RBM20: variants seen among roughly 807,000 people sequenced by gnomAD.
RBM20 encodes the protein RNA binding motif protein 20.
Under a neutral mutation model 110.1 loss-of-function variants are expected in RBM20, and 51 were observed. The ratio of observed to expected loss-of-function variants is 0.46; its 90% confidence interval spans 0.37 to 0.59. The LOEUF (loss-of-function observed/expected upper bound fraction) is 0.59. RBM20 is among the 20% of genes least tolerant of loss of function. The pLI, the probability that RBM20 is intolerant of heterozygous loss-of-function variation, is 0.00. For missense variants in RBM20, 1,512 were observed against 1,574.9 expected (o/e 0.96, Z 0.68); for synonymous variants, 589 against 618.2 (o/e 0.95, Z 0.70).
chr10:110,743,637 G>A (rs1312137571), intron 1 of RBM20, among the ~76,000 whole-genome samples: 2 of 151,880 alleles, frequency 1.3e-5, no homozygotes, highest in Non-Finnish European at 2.9e-5. Context: ...TATTTTTTGA[G>A]GTGGCATCTT....
At chr10:110,713,387 C>T (rs1477116053) in intron 1 of RBM20, among the ~76,000 whole-genome samples, 1 of 152,192 alleles carries the variant, frequency 6.6e-6, no homozygotes, top group East Asian at 1.9e-4. Flanking sequence ...AAGTAAGGAA[C>T]ATGGCTTGAG....
rs1390758079 is a variant in RBM20, at chr10:110,739,699, T to C, written c.192-41102T>C. On this transcript the variant is annotated intron_variant, in intron 1 of 13. Transcript: ENST00000369519. This position sits in a 1 kb window ranked among gnomAD's most constrained non-coding sequence, Gnocchi z 4.1. Reference sequence around the variant, plus strand: ...CTGGGACGCTTCCTTGTGGTACGACTTGGGGCAACTTTGATCTTCTAAATG... The same window carrying C: ...CTGGGACGCTTCCTTGTGGTACGACCTGGGGCAACTTTGATCTTCTAAATG... Among the ~76,000 whole-genome samples, 1 of 152,190 alleles carries C rather than the reference T, an allele frequency of 6.6e-6. No individual in the cohort carries two copies. The highest frequency in any genetic ancestry group is 1.9e-4 in the East Asian group (1 of 5,198).
intron 9 of RBM20, among the ~76,000 whole-genome samples, chr10:110,817,333 T>G (rs1427826285): frequency 2.0e-5 from 3 of 152,320 alleles, no homozygotes; most frequent in Non-Finnish European, 1.5e-5. Context: ...AACATACCTG[T>G]GGGCCAGATG....
At chr10:110,653,716 C>T (rs1861983176) in intron 1 of RBM20, among the ~76,000 whole-genome samples, 2 of 152,072 alleles carry the variant, frequency 1.3e-5, no homozygotes, top group Non-Finnish European at 2.9e-5. Context: ...CCACCACGCT[C>T]TCCTAATTTT....
At position 110,644,429 on chromosome 10, in the gene RBM20, G is replaced by GCGATCCCGGGCGGGTCTCGCCC. The variant is rs1293430989; in HGVS notation, c.-23_-2dup. On this transcript the variant is annotated 5_prime_UTR_variant, in exon 1 of 14. Transcript: ENST00000369519. The surrounding 1 kb of genome is among the most constrained non-coding windows in gnomAD (Gnocchi z 4.3). The stretch of plus-strand genomic sequence containing the variant: ...CGCCCCTCCCTTGAGCTCTCTCGCC[G>GCGATCCCGGGCGGGTCTCGCCC]CGATCCCGGGCGGGTCTCGCCCCGC... 1 of 1,448,444 alleles carries GCGATCCCGGGCGGGTCTCGCCC rather than the reference G, an allele frequency of 6.9e-7. No individual in the cohort carries two copies. The highest frequency in any genetic ancestry group is 2.9e-5 in the East Asian group (1 of 34,530). 89.7% of individuals were successfully genotyped at this position (1,448,444 alleles called of 1,614,324 possible). A position where few individuals can be genotyped will look rare whatever the true frequency, so the allele number is the denominator to read the frequency against.
intron 1 of RBM20, among the ~76,000 whole-genome samples, chr10:110,665,443 T>C (rs932567838): frequency 6.6e-6 from 1 of 152,164 alleles, no homozygotes; most frequent in Non-Finnish European, 1.5e-5. Context: ...ACAAATGATA[T>C]CGGGCAGATG....
chr10:110,798,927 T>C (rs961708773), intron 6 of RBM20, among the ~76,000 whole-genome samples: 1 of 152,194 alleles, frequency 6.6e-6, no homozygotes, highest in Non-Finnish European at 1.5e-5. Context: ...GGTAAACTGA[T>C]GCACAGTCAA....
At chr10:110,826,678 G>A (rs1403745479) in intron 12 of RBM20, among the ~76,000 whole-genome samples, 2 of 151,760 alleles carry the variant, frequency 1.3e-5, no homozygotes, top group African/African-American at 4.8e-5. Context: ...CACCTCCTGG[G>A]TTCAAGTGAT....
At chr10:110,786,425 G>A (rs1053976234) in intron 5 of RBM20, among the ~76,000 whole-genome samples, 17 of 152,352 alleles carry the variant, frequency 1.1e-4, no homozygotes, top group East Asian at 1.9e-4. Flanking sequence ...GTGAGTAAGC[G>A]GAAAAGCGAG....
At chr10:110,811,382 GA>G (rs1352972660) in intron 8 of RBM20, among the ~76,000 whole-genome samples, 15 of 152,340 alleles carry the variant, frequency 9.8e-5, no homozygotes, top group African/African-American at 3.6e-4. Context: ...ACAGCCTTCA[GA>G]GTGTATCTGT....
At chr10:110,738,233 TGGC>T (rs914614336) in intron 1 of RBM20, among the ~76,000 whole-genome samples, 6 of 152,088 alleles carry the variant, frequency 3.9e-5, no homozygotes, top group African/African-American at 1.2e-4. Flanking sequence ...GAGAGAGAGT[TGGC>T]GGCCCTACAG....
At chr10:110,707,841 C>T (rs900865360) in intron 1 of RBM20, among the ~76,000 whole-genome samples, 2 of 152,112 alleles carry the variant, frequency 1.3e-5, no homozygotes, top group East Asian at 3.9e-4. Flanking sequence ...GATAGTGCCG[C>T]GGGATGACGA....
Position 110,781,587 on chromosome 10 carries a change from G to C in RBM20, c.978G>C (p.Ser326=), listed in dbSNP as rs930912173. The change falls in exon 2 of 14, where the codon TCG becomes TCC. Residue 326 remains serine, a synonymous_variant. Coordinates refer to ENST00000369519, the MANE Select transcript of RBM20 (RefSeq NM_001134363.3). Reference sequence around the variant, plus strand: ...AATGGGAGAGCCCCCATGGATTCTCGGGCCAAAGCAAGCCTGATCTCACAG... The same window carrying C: ...AATGGGAGAGCCCCCATGGATTCTCCGGCCAAAGCAAGCCTGATCTCACAG... ...NSQWESPHGF[S]GQSKPDLTAG... is the part of the protein sequence containing the mutation. 6 of 1,551,502 alleles carry C rather than the reference G, an allele frequency of 3.9e-6. No homozygotes were observed. The highest frequency in any genetic ancestry group is 1.4e-5 in the African/African-American group (1 of 73,032).
chr10:110,771,271 G>A (rs6585010), intron 1 of RBM20, among the ~76,000 whole-genome samples: 60,664 of 151,842 alleles, frequency 0.4, 12,242 homozygotes, highest in East Asian at 0.46. Context: ...GACTACAGGC[G>A]CGCACCACTA....
At chr10:110,741,403 T>C (rs1333104412) in intron 1 of RBM20, among the ~76,000 whole-genome samples, 4 of 152,202 alleles carry the variant, frequency 2.6e-5, no homozygotes, top group Non-Finnish European at 5.9e-5. Flanking sequence ...TTCCACATTA[T>C]ATCTTCTGGC....
chr10:110,752,071 A>G (rs1200493278), intron 1 of RBM20, among the ~76,000 whole-genome samples: 1 of 152,080 alleles, frequency 6.6e-6, no homozygotes, highest in Non-Finnish European at 1.5e-5. Context: ...TGTCCTTTAC[A>G]CTGGGGTTCA....
chr10:110,821,383 G>T lies in RBM20; in HGVS notation c.2764G>T (p.Val922Leu), dbSNP rs947100716. 6 of 1,551,754 alleles carry T rather than the reference G, an allele frequency of 3.9e-6. No individual in the cohort carries two copies. Among genetic ancestry groups the T allele is most frequent in the Non-Finnish European group, 5.2e-6 (6 of 1,147,006 alleles). ...DEVGEEEDFI[V>L]EPDIPELEEI... ...GGTTGGGGAAGAAGAAGATTTTATC[G>T]TGGAACCAGACATCCCAGAGCTGGA... Residue 922 changes from valine to leucine, a missense_variant, in exon 11 of 14, where the codon GTG (valine) becomes TTG (leucine). This residue lies in a region of RBM20 where 358 missense variants were observed against 384.2 expected (regional missense o/e 0.93). Coordinates refer to ENST00000369519, the MANE Select transcript of RBM20 (RefSeq NM_001134363.3).
chr10:110,758,802 G>A (rs1231906190), intron 1 of RBM20, among the ~76,000 whole-genome samples: 2 of 152,158 alleles, frequency 1.3e-5, no homozygotes, highest in African/African-American at 4.8e-5. Context: ...CTATTGAACA[G>A]TGCAGATGAG....
intron 5 of RBM20, among the ~76,000 whole-genome samples, chr10:110,787,896 A>C (rs928571755): frequency 6.6e-6 from 1 of 152,078 alleles, no homozygotes; most frequent in African/African-American, 2.4e-5. Flanking sequence ...TGATAATAAA[A>C]ACAACAGCCA....
Sources: gnomAD v4.1 joint callset for allele counts (sites outside exome capture counted in the v4.1 genomes callset) on GRCh38, gnomAD v4.1.1 for gene constraint, gnomAD v4.1.1 regional missense constraint, Gnocchi (gnomAD v3.1) non-coding constraint, MANE v1.5 for transcripts, NCBI Gene and HGNC (gene_info 2026-07-23, HGNC 2026-07-21) for gene names.